The following DDR2 variants were observed in gnomAD, a reference collection of about 807,000 sequenced individuals.
The protein encoded by DDR2 is discoidin domain receptor tyrosine kinase 2.
A neutral mutation model predicts 94.9 loss-of-function variants in DDR2; 27 were observed. The ratio of observed to expected loss-of-function variants is 0.28; its 90% confidence interval spans 0.21 to 0.39. The LOEUF (loss-of-function observed/expected upper bound fraction) is 0.39. DDR2 is among the 10% of genes least tolerant of loss of function. The pLI is 1.00. For missense variants in DDR2, 783 were observed against 1,076.0 expected (o/e 0.73, Z 3.81); for synonymous variants, 382 against 377.2 (o/e 1.01, Z -0.15).
intron 3 of DDR2, among the ~76,000 whole-genome samples, chr1:162,748,507 C>T (rs1206961001): frequency 2.6e-5 from 4 of 151,910 alleles, no homozygotes; most frequent in Non-Finnish European, 5.9e-5. Context: ...AAAGCAAGTC[C>T]TTAAAGACCT....
At chr1:162,711,820 T>TATATGTTATATA (rs1660930982) in intron 2 of DDR2, among the ~76,000 whole-genome samples, 1 of 152,076 alleles carries the variant, frequency 6.6e-6, no homozygotes, top group Non-Finnish European at 1.5e-5. Flanking sequence ...GCACATATGT[T>TATATGTTATATA]TATACACACA....
At chr1:162,754,024 A>T (rs1663339318) in intron 4 of DDR2, among the ~76,000 whole-genome samples, 1 of 152,156 alleles carries the variant, frequency 6.6e-6, no homozygotes, top group Admixed American at 6.6e-5. Context: ...GGAGTTCTCA[A>T]AGTAAACTTT....
intron 1 of DDR2, among the ~76,000 whole-genome samples, chr1:162,654,885 C>T (rs1657881336): frequency 6.6e-6 from 1 of 152,064 alleles, no homozygotes; most frequent in Non-Finnish European, 1.5e-5. Context: ...TGTCATTCTT[C>T]TCATGTTGAA....
In DDR2 at chr1:162,754,605, C is replaced by T. The variant is rs1292339112; in HGVS notation, c.186-19C>T. Reference sequence around the variant, plus strand: ...GGTTTCATGGTTGCTCCCTCTCTCCCCAACCCTCACCTCTCAAGGCTGGAC... The same window carrying T: ...GGTTTCATGGTTGCTCCCTCTCTCCTCAACCCTCACCTCTCAAGGCTGGAC... On this transcript the variant is annotated intron_variant, in intron 4 of 17. Coordinates refer to ENST00000367921, the MANE Select transcript of DDR2 (RefSeq NM_006182.4). 6.2e-7 allele frequency: 1 copy of T among 1,613,006 alleles called. No individual in the cohort carries two copies. The highest frequency in any genetic ancestry group is 8.5e-7 in the Non-Finnish European group (1 of 1,179,144).
intron 14 of DDR2, among the ~76,000 whole-genome samples, chr1:162,775,257 T>TTA (rs1553253851): frequency 2.7e-5 from 4 of 148,688 alleles, no homozygotes; most frequent in African/African-American, 4.9e-5. Flanking sequence ...TCCATGGCTT[T>TTA]AAAAAAAAAA....
In DDR2 at chr1:162,754,845, A is replaced by G. The variant is rs749493054; in HGVS notation, c.407A>G (p.His136Arg). ...CGCTGGATCTCTTGGCGGAACCGTC[A>G]TGGGAAACAGGTAGGAAGAAGAGAC... ...GTRWISWRNR[H>R]GKQVLDGNSN... Residue 136 changes from histidine (H) to arginine (R), a missense_variant, in exon 5 of 18, where the codon CAT becomes CGT. This residue lies in a region of DDR2 where 519 missense variants were observed against 647.9 expected (regional missense o/e 0.80). Coordinates refer to ENST00000367921, the MANE Select transcript of DDR2 (RefSeq NM_006182.4). The G allele has an allele frequency of 1.2e-6, 2 of 1,614,062 alleles. No homozygotes were observed. The highest frequency in any genetic ancestry group is 1.7e-5 in the Admixed American group (1 of 60,006).
At chr1:162,700,656 G>T (rs1660390857) in intron 2 of DDR2, among the ~76,000 whole-genome samples, 1 of 152,134 alleles carries the variant, frequency 6.6e-6, no homozygotes, top group South Asian at 2.1e-4. Flanking sequence ...TACTACACAT[G>T]TTAAAGCATA....
At chr1:162,641,906 T>C (rs554354418) in intron 1 of DDR2, among the ~76,000 whole-genome samples, 2 of 152,304 alleles carry the variant, frequency 1.3e-5, no homozygotes, top group South Asian at 4.1e-4. Context: ...AAACTCGGTT[T>C]GTATTGGGTC....
At chr1:162,647,877 A>G (rs1657491822) in intron 1 of DDR2, among the ~76,000 whole-genome samples, 1 of 151,932 alleles carries the variant, frequency 6.6e-6, no homozygotes, top group South Asian at 2.1e-4. Context: ...GGTCTTTGTG[A>G]CCTGTATGTG....
chr1:162,637,972 C>A (rs1000851169), intron 1 of DDR2, among the ~76,000 whole-genome samples: 8 of 152,120 alleles, frequency 5.3e-5, no homozygotes, highest in African/African-American at 1.7e-4. Context: ...AAGCCATTAA[C>A]AAGAGCCCCA....
intron 3 of DDR2, among the ~76,000 whole-genome samples, chr1:162,743,912 T>C (rs1049941943): frequency 2.0e-5 from 3 of 152,262 alleles, no homozygotes; most frequent in Admixed American, 2.0e-4. Flanking sequence ...TTTCTGTCAC[T>C]ATAGATTAAC....
chr1:162,643,159 T>C (rs1351701660), intron 1 of DDR2, among the ~76,000 whole-genome samples: 2 of 152,110 alleles, frequency 1.3e-5, no homozygotes, highest in Non-Finnish European at 2.9e-5. Context: ...TTTCATGACT[T>C]AAGGTACCAG....
chr1:162,693,275 G>A (rs551960633), intron 2 of DDR2, among the ~76,000 whole-genome samples: 1 of 152,130 alleles, frequency 6.6e-6, no homozygotes, highest in Non-Finnish European at 1.5e-5. Context: ...CTTTGTCATT[G>A]AGCTTTACGT....
intron 2 of DDR2, among the ~76,000 whole-genome samples, chr1:162,692,578 C>G (rs186523662): frequency 6.6e-6 from 1 of 152,208 alleles, no homozygotes; most frequent in African/African-American, 2.4e-5. Flanking sequence ...ACCTCAGTCA[C>G]TAGGGAAATG....
At chr1:162,684,563 A>G (rs1273930919) in intron 2 of DDR2, among the ~76,000 whole-genome samples, 1 of 152,138 alleles carries the variant, frequency 6.6e-6, no homozygotes, top group African/African-American at 2.4e-5. Flanking sequence ...CTACTGCTCA[A>G]AGCTCAGAGT....
intron 14 of DDR2, among the ~76,000 whole-genome samples, chr1:162,775,042 G>T (rs1186097330): frequency 1.3e-5 from 2 of 151,884 alleles, no homozygotes; most frequent in Non-Finnish European, 2.9e-5. Flanking sequence ...TATTAGTCTT[G>T]GTCAAATGAA....
intron 3 of DDR2, among the ~76,000 whole-genome samples, chr1:162,727,604 C>T (rs1039637408): frequency 6.8e-5 from 10 of 147,980 alleles, no homozygotes; most frequent in African/African-American, 2.5e-4. Context: ...TCCTTTTTCC[C>T]CCTCCCTCTT....
intron 2 of DDR2, among the ~76,000 whole-genome samples, chr1:162,691,107 C>A (rs966632021): frequency 3.9e-5 from 6 of 152,314 alleles, no homozygotes; most frequent in African/African-American, 4.8e-5. Context: ...AAGGACATGC[C>A]TGGTGCCTGA....
intron 3 of DDR2, among the ~76,000 whole-genome samples, chr1:162,735,314 C>T (rs779762936): frequency 6.6e-6 from 1 of 152,098 alleles, no homozygotes; most frequent in African/African-American, 2.4e-5. Flanking sequence ...AAGAGGGGAG[C>T]GCTGACATGT....
Sources: gnomAD v4.1 joint callset for allele counts (sites outside exome capture counted in the v4.1 genomes callset) on GRCh38, gnomAD v4.1.1 for gene constraint, gnomAD v4.1.1 regional missense constraint, MANE v1.5 for transcripts, NCBI Gene and HGNC (gene_info 2026-07-23, HGNC 2026-07-21) for gene names.